The following PHC3 variants were observed in gnomAD, a reference collection of about 807,000 sequenced individuals.
PHC3 encodes polyhomeotic homolog 3, also known as polyhomeotic-like protein 3.
A neutral mutation model predicts 107.4 loss-of-function variants in PHC3; 13 were observed. That is an observed-to-expected ratio of 0.12 (90% confidence interval 0.08 to 0.19). The LOEUF is 0.19. Ranked by LOEUF, PHC3 falls within the 10% of genes least tolerant of loss-of-function variation. The probability of loss-of-function intolerance (pLI) is 1.00; values close to 1 mark genes in which losing one functional copy is unlikely to be tolerated. For synonymous variants in PHC3, 456 were observed against 427.4 expected, an observed-to-expected ratio of 1.07 and a Z score of -0.83; for missense variants, 992 against 1,210.9, an observed-to-expected ratio of 0.82 and a Z score of 2.68.
chr3:170,090,904 T>A lies in PHC3; in HGVS notation c.*6326A>T, dbSNP rs970763559. The A allele has an allele frequency of 3.9e-5, 6 of 152,228 alleles. No individual in the cohort carries two copies. The highest frequency in any genetic ancestry group is 7.3e-5 in the Non-Finnish European group (5 of 68,040). 9.4% of individuals were successfully genotyped at this position (152,228 alleles called of 1,614,324 possible). On this transcript the variant is annotated 3_prime_UTR_variant, in exon 15 of 15. Transcript: ENST00000495893. ...CTACTGAAATAGATTATTTACTGAT[T>A]ATTTAATACTACCCAAAACAAAAAA...
chr3:170,099,491 T>C (rs1715120973), intron 14 of PHC3, among the ~76,000 whole-genome samples: 1 of 152,224 alleles, frequency 6.6e-6, no homozygotes, highest in Non-Finnish European at 1.5e-5. Context: ...GATAAAGTTC[T>C]GAGTTTCTGA....
At chr3:170,156,809 C>T (rs1239823246) in intron 4 of PHC3, among the ~76,000 whole-genome samples, 1 of 151,662 alleles carries the variant, frequency 6.6e-6, no homozygotes, top group East Asian at 1.9e-4. Flanking sequence ...GTTGGTCAGG[C>T]TGGTCTTGAA....
intron 8 of PHC3, among the ~76,000 whole-genome samples, chr3:170,125,522 C>T (rs1301715063): frequency 1.3e-5 from 2 of 152,160 alleles, no homozygotes; most frequent in African/African-American, 4.8e-5. Context: ...AATCCTAATG[C>T]AGTTACATGT....
chr3:170,117,579 TA>T (rs1287923636), intron 9 of PHC3, 103 bp from the exon 10 acceptor site: 3 of 1,211,202 alleles, frequency 2.5e-6, no homozygotes, highest in Non-Finnish European at 2.3e-6. Flanking sequence ...TAATATCTGG[TA>T]CTTTCAAAAA....
chr3:170,116,815 G>A (rs1719065530), intron 10 of PHC3, among the ~76,000 whole-genome samples: 1 of 151,812 alleles, frequency 6.6e-6, no homozygotes, highest in Non-Finnish European at 1.5e-5. Flanking sequence ...GGTGGCTGAG[G>A]TAGAAGAATC....
intron 6 of PHC3, among the ~76,000 whole-genome samples, chr3:170,141,697 G>A (rs1392738571): frequency 2.6e-5 from 4 of 152,030 alleles, no homozygotes; most frequent in Admixed American, 1.3e-4. Flanking sequence ...CTGCAGCCTC[G>A]ACCTCCTGGG....
chr3:170,107,593 T>C (rs1320732555), intron 11 of PHC3, among the ~76,000 whole-genome samples: 2 of 152,154 alleles, frequency 1.3e-5, no homozygotes, highest in African/African-American at 4.8e-5. Flanking sequence ...TACATATATA[T>C]ACATACATAA....
At chr3:170,108,991 A>G (rs1304885109) in intron 11 of PHC3, among the ~76,000 whole-genome samples, 1 of 152,220 alleles carries the variant, frequency 6.6e-6, no homozygotes, top group Admixed American at 6.5e-5. Context: ...TAAGAGTAGT[A>G]TAAGTTTTAT....
intron 6 of PHC3, among the ~76,000 whole-genome samples, chr3:170,137,829 G>A (rs543454331): frequency 3.9e-5 from 6 of 152,268 alleles, no homozygotes; most frequent in East Asian, 1.9e-4. Flanking sequence ...AACCCAGGAG[G>A]CAAAGGGTGC....
At chr3:170,128,600 G>T (rs1290580922) in intron 8 of PHC3, 84 bp downstream of exon 8, 2 of 1,458,374 alleles carry the variant, frequency 1.4e-6, no homozygotes, top group African/African-American at 1.4e-5. Context: ...CAGGCATTTA[G>T]ATCTTGCAAT....
chr3:170,106,914 T>C lies in PHC3; in HGVS notation c.2386A>G (p.Lys796Glu). ...TLEEMDSELL[K>E]CEFCGKMGYA... The stretch of plus-strand genomic sequence containing the variant: ...CCCATTTTCCCACAGAATTCACACT[T>C]GAGCAACTCACTGTCCATTTCTTCT... Residue 796 changes from lysine to glutamate, a missense_variant, in exon 12 of 15, where the codon AAG becomes GAG. Transcript: ENST00000495893. The C allele has an allele frequency of 6.2e-7, 1 of 1,611,716 alleles. No individual in the cohort carries two copies. The highest frequency in any genetic ancestry group is 1.7e-5 in the Admixed American group (1 of 59,386).
intron 6 of PHC3, among the ~76,000 whole-genome samples, chr3:170,141,703 C>T (rs1724131173): frequency 6.6e-6 from 1 of 152,102 alleles, no homozygotes; most frequent in Admixed American, 6.5e-5. Context: ...CCTCGACCTC[C>T]TGGGCTCAAG....
intron 11 of PHC3, among the ~76,000 whole-genome samples, chr3:170,112,783 C>T (rs867858567): frequency 6.6e-6 from 1 of 152,218 alleles, no homozygotes; most frequent in South Asian, 2.1e-4. Flanking sequence ...CTCGGCCTCC[C>T]GAAGTGTTGG....
chr3:170,124,223 A>G (rs1326324760), intron 8 of PHC3, among the ~76,000 whole-genome samples: 1 of 152,226 alleles, frequency 6.6e-6, no homozygotes, highest in Non-Finnish European at 1.5e-5. Context: ...TTAATTTGTT[A>G]TCATTTATTA....
Position 170,176,739 on chromosome 3 carries a change from A to G in PHC3, c.180+2034T>C, listed in dbSNP as rs559432508. On this transcript the variant is annotated intron_variant, in intron 2 of 14. Coordinates refer to ENST00000495893, the MANE Select transcript of PHC3 (RefSeq NM_024947.4). ...AATGTTTGGCACGTAGCAATTATTC[A>G]ATAAGTATTAGCTATTACTATCTAC... 7.8e-5 allele frequency: 16 copies of G among 204,104 alleles called. No individual in the cohort carries two copies. The South Asian group carries it at 1.3e-3, about 16-fold the overall frequency. 12.6% of individuals were successfully genotyped at this position (204,104 alleles called of 1,614,324 possible).
intron 4 of PHC3, among the ~76,000 whole-genome samples, chr3:170,168,466 A>G (rs1479141583): frequency 6.6e-6 from 1 of 152,168 alleles, no homozygotes; most frequent in Non-Finnish European, 1.5e-5. Context: ...CCAAACAATC[A>G]TAAAATCACC....
At chr3:170,151,180 C>T (rs1725909451) in intron 4 of PHC3, among the ~76,000 whole-genome samples, 2 of 152,246 alleles carry the variant, frequency 1.3e-5, no homozygotes, top group African/African-American at 4.8e-5. Context: ...CACTACACTC[C>T]AGCCTGGGCA....
chr3:170,128,423 G>A (rs1201207964), intron 8 of PHC3: 5 of 1,325,820 alleles, frequency 3.8e-6, no homozygotes, highest in Non-Finnish European at 3.9e-6. Flanking sequence ...AAAGATAGCA[G>A]ATGGATTTGT....
intron 8 of PHC3, among the ~76,000 whole-genome samples, chr3:170,126,526 A>ATTTT (rs1228512093): frequency 1.9e-4 from 16 of 84,194 alleles, no homozygotes; most frequent in South Asian, 3.9e-4. Context: ...ATATATATAT[A>ATTTT]TATTTTTTTT....
Sources: allele counts gnomAD v4.1 joint callset (sites outside exome capture counted in the v4.1 genomes callset), GRCh38; gene constraint gnomAD v4.1.1; transcripts MANE v1.5; gene names NCBI Gene and HGNC (gene_info 2026-07-23, HGNC 2026-07-21).